Variants in NTRK3 observed in about 807,000 individuals in gnomAD.
NTRK3 encodes NT-3 growth factor receptor.
NTRK3 carries 24 observed loss-of-function variants against 91.7 expected under a neutral mutation model. That is an observed-to-expected ratio of 0.26 (90% CI 0.19 to 0.37). NTRK3 has a LOEUF of 0.37. Ranked by LOEUF, NTRK3 falls within the 10% of genes least tolerant of loss-of-function variation. The pLI is 1.00. For synonymous variants in NTRK3, 483 were observed against 404.0 expected (o/e 1.20, Z -2.34); for missense variants, 880 against 1,068.9 (o/e 0.82, Z 2.46).
intron 13 of NTRK3, among the ~76,000 whole-genome samples, chr15:88,042,454 T>C (rs559171033): frequency 1.3e-5 from 2 of 152,278 alleles, no homozygotes; most frequent in East Asian, 1.9e-4. Flanking sequence ...GACTCTGCCC[T>C]CTGTGGTCTC....
intron 3 of NTRK3, among the ~76,000 whole-genome samples, chr15:88,203,441 C>A (rs975854670): frequency 1.3e-5 from 2 of 152,166 alleles, no homozygotes; most frequent in Non-Finnish European, 2.9e-5. Context: ...TCAGTCTCTG[C>A]ATTTACCCCC....
rs113474232 is a variant in NTRK3, at chr15:87,976,196, C to T, written c.1586-35443G>A. On this transcript the variant is annotated intron_variant, in intron 14 of 18. Coordinates refer to ENST00000394480, the Ensembl canonical transcript of NTRK3. ...CTCAACCCTTCAGGCATCCCTGTTCCAACTCTTTCTCCTTGGAACCCTCAA... is the reference window on the plus strand; with the variant it reads ...CTCAACCCTTCAGGCATCCCTGTTCTAACTCTTTCTCCTTGGAACCCTCAA... Among the ~76,000 whole-genome samples the T allele has an allele frequency of 1.3e-3, 193 of 152,250 alleles. 2 individuals carry two copies. Among genetic ancestry groups the T allele is most frequent in the African/African-American group, 4.6e-3 (191 of 41,546 alleles).
Position 88,065,913 on chromosome 15 carries a change from AAG to A in NTRK3, c.1397-32870_1397-32869del, listed in dbSNP as rs140491864. Among the ~76,000 whole-genome samples, 1,354 of 152,282 alleles carry A rather than the reference AAG, an allele frequency of 8.9e-3. 23 individuals are homozygous for A. Among genetic ancestry groups the A allele is most frequent in the African/African-American group, 0.031 (1,282 of 41,552 alleles). On this transcript the variant is annotated intron_variant, in intron 13 of 18. Transcript: ENST00000394480. ...CATCATAAGCCTTGTCAAACAAAGA[AAG>A]AGAGACCTTGATTTACAGAGGAAGT... is the stretch of plus-strand genomic sequence containing the variant.
intron 3 of NTRK3, among the ~76,000 whole-genome samples, chr15:88,212,327 G>A (rs894404249): frequency 3.5e-4 from 53 of 152,258 alleles, no homozygotes; most frequent in African/African-American, 1.2e-3. Context: ...CCGAGATCGC[G>A]CCACTGCACT....
At chr15:87,980,400 T>G (rs1445924725) in intron 14 of NTRK3, among the ~76,000 whole-genome samples, 1 of 152,208 alleles carries the variant, frequency 6.6e-6, no homozygotes, top group Non-Finnish European at 1.5e-5. Flanking sequence ...TGTGTTTGCA[T>G]GTGTATTTGT....
intron 13 of NTRK3, among the ~76,000 whole-genome samples, chr15:88,099,734 C>A (rs1415519765): frequency 6.6e-6 from 1 of 152,148 alleles, no homozygotes; most frequent in East Asian, 1.9e-4. Context: ...AACTTAAAAG[C>A]AACTGTCTTT....
chr15:88,187,232 T>TCA (rs1459477354), intron 3 of NTRK3, among the ~76,000 whole-genome samples: 1 of 152,184 alleles, frequency 6.6e-6, no homozygotes, highest in Non-Finnish European at 1.5e-5. Context: ...AGGAAACCTG[T>TCA]CATTCATGGC....
At chr15:88,055,644 G>C (rs549668950) in intron 13 of NTRK3, among the ~76,000 whole-genome samples, 1 of 151,986 alleles carries the variant, frequency 6.6e-6, no homozygotes, top group African/African-American at 2.4e-5. Flanking sequence ...CCTTTCAATC[G>C]GTGATGAAAC....
chr15:88,165,580 A>G (rs974326625), intron 5 of NTRK3, among the ~76,000 whole-genome samples: 2 of 152,246 alleles, frequency 1.3e-5, no homozygotes, highest in Admixed American at 1.3e-4. Flanking sequence ...TGAGAAATCA[A>G]AATAATAAGT....
rs74267908 is a variant in NTRK3 at position 88,240,053 on chromosome 15, GACACACAC to G, written c.248+15845_248+15852del. ...ATATACACACACAGCGACACACACA[GACACACAC>G]ACACACACACACAGGAACAAGGTTC... On this transcript the variant is annotated intron_variant, in intron 3 of 18. Coordinates refer to ENST00000394480, the Ensembl canonical transcript of NTRK3. The surrounding 1 kb of genome is among the most constrained non-coding windows in gnomAD (Gnocchi z 4.9). Among the ~76,000 whole-genome samples the G allele has an allele frequency of 3.0e-3, 447 of 148,984 alleles. 1 individual carries two copies. The highest frequency in any genetic ancestry group is 9.9e-3 in the African/African-American group (403 of 40,638).
At chr15:87,946,838 C>T (rs1045209277) in intron 14 of NTRK3, among the ~76,000 whole-genome samples, 1 of 150,710 alleles carries the variant, frequency 6.6e-6, no homozygotes, top group Non-Finnish European at 1.5e-5. Context: ...CCAGGCTGAG[C>T]ACATGATACC....
At chr15:87,908,654 G>A in intron 17 of NTRK3, 1 of 398,538 alleles carries the variant, frequency 2.5e-6, no homozygotes, top group Non-Finnish European at 4.4e-6. Flanking sequence ...ATGAAAGGAG[G>A]AGCATGAGGA....
At chr15:88,126,474 G>C in intron 12 of NTRK3, 101 bp from the exon 13 acceptor site, 1 of 734,934 alleles carries the variant, frequency 1.4e-6, no homozygotes, top group South Asian at 1.7e-5. Context: ...TACTGCCATA[G>C]TAATTGTAGC....
At chr15:88,062,833 G>T (rs1020277739) in intron 13 of NTRK3, among the ~76,000 whole-genome samples, 2 of 152,166 alleles carry the variant, frequency 1.3e-5, no homozygotes. Context: ...GGCTACTGAG[G>T]GTCAGCCCTG....
intron 13 of NTRK3, among the ~76,000 whole-genome samples, chr15:88,070,648 C>G (rs1248140818): frequency 1.3e-5 from 2 of 152,122 alleles, no homozygotes; most frequent in African/African-American, 4.8e-5. Flanking sequence ...TCTCCTCACT[C>G]CCCTCCACCC....
At position 87,929,428 on chromosome 15, in the gene NTRK3, A is replaced by G. The variant is rs150063863; in HGVS notation, c.1896T>C (p.His632=). The stretch of plus-strand genomic sequence containing the variant: ...CCACAAGGATCATTGCATCTGGCCC[A>G]TGGGCCCTGCAAGAGCATGGGGAGA... The change falls in exon 17 of 19, where the codon CAT becomes CAC. Residue 632 remains histidine, a synonymous_variant. Transcript: ENST00000394480. The G allele has an allele frequency of 1.9e-4, 303 of 1,614,006 alleles. No homozygotes were observed. Among genetic ancestry groups the G allele is most frequent in the Non-Finnish European group, 2.5e-4 (291 of 1,179,946 alleles).
Position 88,243,204 on chromosome 15 carries a change from T to TC in NTRK3, c.248+12701dup, listed in dbSNP as rs1217701019. Among the ~76,000 whole-genome samples, 1 of 152,110 alleles carries TC rather than the reference T, an allele frequency of 6.6e-6. No individual in the cohort carries two copies. The highest frequency in any genetic ancestry group is 6.5e-5 in the Admixed American group (1 of 15,274). ...ACCCCTCCTCCACGCCCTTGCCCCC[T>TC]CCCCACTTCTTATGTTATTTCCCTC... is the stretch of plus-strand genomic sequence containing the variant. On this transcript the variant is annotated intron_variant, in intron 3 of 18. Coordinates refer to ENST00000394480, the Ensembl canonical transcript of NTRK3. This position sits in a 1 kb window ranked among gnomAD's most constrained non-coding sequence, Gnocchi z 4.8.
chr15:88,059,295 T>G (rs1482768940), intron 13 of NTRK3, among the ~76,000 whole-genome samples: 2 of 152,172 alleles, frequency 1.3e-5, no homozygotes, highest in Non-Finnish European at 2.9e-5. Flanking sequence ...GTAATTCAGA[T>G]AGATCAGCGA....
At chr15:87,940,802 T>A in intron 14 of NTRK3, 49 bp from the exon 15 acceptor site, 1 of 1,613,570 alleles carries the variant, frequency 6.2e-7, no homozygotes, top group Non-Finnish European at 8.5e-7. Context: ...CCTCGTTTGG[T>A]GACACAGGGA....
Sources: gnomAD v4.1 joint callset for allele counts (sites outside exome capture counted in the v4.1 genomes callset) on GRCh38, gnomAD v4.1.1 for gene constraint, Gnocchi (gnomAD v3.1) non-coding constraint, MANE v1.5 for transcripts, NCBI Gene and HGNC (gene_info 2026-07-23, HGNC 2026-07-21) for gene names.